PRIM2: variants seen among roughly 807,000 people sequenced by gnomAD.
The protein encoded by PRIM2 is DNA primase large subunit.
Under a neutral mutation model 67.3 loss-of-function variants are expected in PRIM2, and 39 were observed. The ratio of observed to expected loss-of-function variants is 0.58; its 90% CI spans 0.45 to 0.76. The LOEUF (loss-of-function observed/expected upper bound fraction) is 0.76. PRIM2 is among the 30% of genes least tolerant of loss of function. PRIM2 has a pLI of 0.00. For synonymous variants in PRIM2, 143 were observed against 198.7 expected, an observed-to-expected ratio of 0.72 and a Z score of 2.36; for missense variants, 398 against 598.7, an observed-to-expected ratio of 0.66 and a Z score of 3.50.
At chr6:57,422,862 A>G (rs1317094007) in intron 7 of PRIM2, among the ~76,000 whole-genome samples, 1 of 152,216 alleles carries the variant, frequency 6.6e-6, no homozygotes, top group Non-Finnish European at 1.5e-5. Flanking sequence ...AAGGATGGAA[A>G]CAAATGTAGT....
intron 13 of PRIM2, among the ~76,000 whole-genome samples, chr6:57,639,817 C>T (rs1187837307): frequency 5.3e-5 from 8 of 151,228 alleles, no homozygotes; most frequent in African/African-American, 1.5e-4. Context: ...AAAGCAGAGC[C>T]GGTACCATTC....
chr6:57,430,447 G>GTTTTTTTTTTTTTT (rs71687266), intron 7 of PRIM2, among the ~76,000 whole-genome samples: 42 of 78,138 alleles, frequency 5.4e-4, no homozygotes, highest in Non-Finnish European at 6.5e-4. Flanking sequence ...TTCTTTCTTT[G>GTTTTTTTTTTTTTT]TTTTTTTTTT....
At chr6:57,451,623 TAGGTCCCGAA>T (rs1259195589) in intron 7 of PRIM2, among the ~76,000 whole-genome samples, 1 of 152,178 alleles carries the variant, frequency 6.6e-6, no homozygotes, top group Non-Finnish European at 1.5e-5. Context: ...AGATTCTTAA[TAGGTCCCGAA>T]AGCTGTAGCA....
chr6:57,524,889 T>C (rs1223740643), intron 8 of PRIM2, among the ~76,000 whole-genome samples: 2 of 152,188 alleles, frequency 1.3e-5, no homozygotes, highest in East Asian at 3.9e-4. Context: ...TATGTACACT[T>C]AGGTGTTTAG....
At chr6:57,229,288 C>T in the PRIM2 span, among the ~76,000 whole-genome samples, 2 of 152,002 alleles carry the variant, frequency 1.3e-5, no homozygotes, top group African/African-American at 2.4e-5. Context: ...GTGAAATGGC[C>T]GATCTTCCAG....
the PRIM2 span, among the ~76,000 whole-genome samples, chr6:57,225,727 A>T: frequency 6.6e-6 from 1 of 152,246 alleles, no homozygotes; most frequent in South Asian, 2.1e-4. Flanking sequence ...GCTGAGTAGA[A>T]AGAAAAACAG....
rs1435474948 is a variant in PRIM2 at position 57,617,009 on chromosome 6, T to G, written c.1230+10552T>G. 5.3e-4 allele frequency among the ~76,000 whole-genome samples: 81 copies of G among 152,356 alleles called. No homozygotes were observed. The Middle Eastern group carries it at 0.01, about 19-fold the overall frequency. ...CACATTTTGTTTATCCATTCGTCCT[T>G]TGATGGACACTGGGTTGTTTCCACC... On this transcript the variant is annotated intron_variant, in intron 12 of 13. Coordinates refer to ENST00000615550, the MANE Select transcript of PRIM2 (RefSeq NM_000947.5).
intron 10 of PRIM2, among the ~76,000 whole-genome samples, chr6:57,541,973 GTTTTT>G (rs1161553496): frequency 8.7e-6 from 1 of 114,732 alleles, no homozygotes; most frequent in Non-Finnish European, 1.7e-5. Flanking sequence ...TTGTGTTTTG[GTTTTT>G]TTTTTTTTTT....
chr6:57,478,487 A>G (rs1442046983), intron 7 of PRIM2, among the ~76,000 whole-genome samples: 1 of 151,980 alleles, frequency 6.6e-6, no homozygotes, highest in African/African-American at 2.4e-5. Context: ...ACTGCAGGCA[A>G]GAGTCAGAGT....
the PRIM2 span, among the ~76,000 whole-genome samples, chr6:57,245,288 A>G: frequency 6.6e-6 from 1 of 152,186 alleles, no homozygotes; most frequent in Non-Finnish European, 1.5e-5. Context: ...CTAAAAACAC[A>G]AGATCAAAGA....
chr6:57,255,979 T>C, the PRIM2 span, among the ~76,000 whole-genome samples: 2 of 151,702 alleles, frequency 1.3e-5, no homozygotes, highest in Non-Finnish European at 2.9e-5. Flanking sequence ...AAATGCTGAG[T>C]AAACAAATTT....
the PRIM2 span, among the ~76,000 whole-genome samples, chr6:57,255,108 G>C: frequency 6.6e-6 from 1 of 152,042 alleles, no homozygotes; most frequent in Admixed American, 6.6e-5. Context: ...GAAACAGTTT[G>C]GTCACCTCAA....
the PRIM2 span, among the ~76,000 whole-genome samples, chr6:57,230,504 G>C: frequency 4.6e-5 from 7 of 152,156 alleles, no homozygotes. Flanking sequence ...GCTTATCAAG[G>C]CTGTGCATAT....
chr6:57,303,415 T>C, the PRIM2 span, among the ~76,000 whole-genome samples: 61 of 152,296 alleles, frequency 4.0e-4, no homozygotes, highest in South Asian at 0.011. Context: ...CCAATTTAAT[T>C]GTTCACTCCA....
At position 57,428,140 on chromosome 6, in the gene PRIM2, G is replaced by C. The variant is rs1234437986; in HGVS notation, c.693+45972G>C. ...GACATTTTTTAATTTAAATACCCAA[G>C]GTTTATTTTTACCTTGGAAAGTGTT... is the stretch of plus-strand genomic sequence containing the variant. On this transcript the variant is annotated intron_variant, in intron 7 of 13. Transcript: ENST00000615550. Among the ~76,000 whole-genome samples the C allele has an allele frequency of 5.3e-5, 8 of 151,816 alleles. No individual in the cohort carries two copies. In the East Asian group the frequency reaches 1.6e-3, roughly 29 times the overall value.
At chr6:57,433,600 C>G (rs1369812287) in intron 7 of PRIM2, among the ~76,000 whole-genome samples, 2 of 152,128 alleles carry the variant, frequency 1.3e-5, no homozygotes, top group Non-Finnish European at 2.9e-5. Context: ...ACAAACTTGA[C>G]TTTAACTGCA....
intron 5 of PRIM2, among the ~76,000 whole-genome samples, chr6:57,339,698 A>G (rs1202599851): frequency 6.6e-6 from 1 of 152,220 alleles, no homozygotes; most frequent in African/African-American, 2.4e-5. Flanking sequence ...CTTATACAAA[A>G]ATCAATTCAA....
the PRIM2 span, among the ~76,000 whole-genome samples, chr6:57,235,025 G>A: frequency 6.6e-6 from 1 of 151,802 alleles, no homozygotes; most frequent in Non-Finnish European, 1.5e-5. Flanking sequence ...ATAACCGAGT[G>A]TGATGACACA....
At chr6:57,594,714 A>G (rs1316275942) in intron 10 of PRIM2, among the ~76,000 whole-genome samples, 4 of 152,326 alleles carry the variant, frequency 2.6e-5, no homozygotes, top group East Asian at 1.9e-4. Flanking sequence ...AAACATTACA[A>G]TTTCTAAAGG....
Sources: allele counts gnomAD v4.1 joint callset (sites outside exome capture counted in the v4.1 genomes callset), GRCh38; gene constraint gnomAD v4.1.1; transcripts MANE v1.5; gene names NCBI Gene and HGNC (gene_info 2026-07-23, HGNC 2026-07-21).